The following SERPINB3 variants were observed in gnomAD, a reference collection of about 807,000 sequenced individuals.
SERPINB3 encodes serpin family B member 3.
A neutral mutation model predicts 33.0 loss-of-function variants in SERPINB3; 33 were observed. That is an observed-to-expected ratio of 1.00 (90% CI 0.76 to 1.34). SERPINB3 has a LOEUF of 1.34. Ranked by LOEUF, SERPINB3 falls within the 40% of genes most tolerant of loss-of-function variation. The pLI is 0.00. For synonymous variants in SERPINB3, 200 were observed against 170.9 expected (o/e 1.17, Z -1.33); for missense variants, 518 against 461.5 (o/e 1.12, Z -1.12).
intron 3 of SERPINB3, among the ~76,000 whole-genome samples, chr18:63,660,257 G>A (rs1913606636): frequency 6.6e-6 from 1 of 152,024 alleles, no homozygotes; most frequent in Admixed American, 6.6e-5. Context: ...ATATTCCATA[G>A]CAATCATTTT....
rs1913634642 is a variant in SERPINB3 at position 63,661,147 on chromosome 18, CTT to C, written c.68_69del (p.Lys23ArgfsTer31). On this transcript the variant is annotated frameshift_variant, in exon 2 of 8. Coordinates refer to ENST00000283752, the MANE Select transcript of SERPINB3 (RefSeq NM_006919.3). LOFTEE classifies it high-confidence loss of function. Reference sequence around the variant, plus strand: ...ATAGGGGAATAGAAGATGTTGTTCTCTTTTGATTTTCTGAACTGTTGGAACAG... The same window carrying C: ...ATAGGGGAATAGAAGATGTTGTTCTCTTGATTTTCTGAACTGTTGGAACAG... ...FDLFQQFRKS[K>X]ENNIFYSPIS... The C allele has an allele frequency of 2.5e-6, 4 of 1,613,484 alleles. No homozygotes were observed. Among genetic ancestry groups the C allele is most frequent in the Non-Finnish European group, 3.4e-6 (4 of 1,179,660 alleles).
chr18:63,657,211 A>C (rs1177718366), intron 6 of SERPINB3, 59 bp downstream of exon 6: 1 of 1,000,890 alleles, frequency 1.0e-6, no homozygotes, highest in African/African-American at 1.6e-5. Context: ...GGTACATTCC[A>C]TCAGAAATGT....
chr18:63,661,392 T>A, intron 1 of SERPINB3, 150 bp from the exon 2 acceptor site: 2 of 849,862 alleles, frequency 2.4e-6, no homozygotes, highest in Non-Finnish European at 3.6e-6. Context: ...TCAATCTTTC[T>A]ACAATGTGCA....
chr18:63,660,742 G>A lies in SERPINB3; in HGVS notation c.222+58C>T, dbSNP rs371221073. On this transcript the variant is annotated intron_variant, in intron 3 of 7. Coordinates refer to ENST00000283752, the MANE Select transcript of SERPINB3 (RefSeq NM_006919.3). ...TTTCTTAGTTTCTGTGAAGTTCCAGGTTCAAACTATGACCTGTTCGGGGAT... is the reference window on the plus strand; with the variant it reads ...TTTCTTAGTTTCTGTGAAGTTCCAGATTCAAACTATGACCTGTTCGGGGAT... 8.7e-5 allele frequency: 140 copies of A among 1,609,368 alleles called. No homozygotes were observed. The African/African-American group carries it at 1.6e-3, about 19-fold the overall frequency.
At chr18:63,661,003 G>A (rs779504509) in intron 2 of SERPINB3, 49 bp downstream of exon 2, 12 of 1,611,570 alleles carry the variant, frequency 7.4e-6, no homozygotes, top group Non-Finnish European at 1.0e-5. Context: ...CTAGCCGACG[G>A]AACCAGAGAA....
chr18:63,660,869 T>G lies in SERPINB3; in HGVS notation c.166-13A>C, dbSNP rs374337948. 5.6e-6 allele frequency: 9 copies of G among 1,613,174 alleles called. No homozygotes were observed. In the African/African-American group the frequency reaches 6.7e-5, roughly 12 times the overall value. ...CAAAGTGAAGAACCTGGAAGAGACA[T>G]GAAGCGGGACAAGAAAACTTTACTC... On this transcript the variant is annotated splice_polypyrimidine_tract_variant and intron_variant, in intron 2 of 7. Coordinates refer to ENST00000283752, the MANE Select transcript of SERPINB3 (RefSeq NM_006919.3).
chr18:63,658,757 C>T lies in SERPINB3; in HGVS notation c.352-127G>A, dbSNP rs1913564210. ...CTGAATAGATGCAGTATCTCCTGTC[C>T]ATGCATATTTTTATACTGGTGCCAT... On this transcript the variant is annotated intron_variant, in intron 4 of 7. Transcript: ENST00000283752. The T allele has an allele frequency of 3.1e-5, 22 of 720,494 alleles. No individual in the cohort carries two copies. The South Asian group carries it at 4.0e-4, about 13-fold the overall frequency. The allele number at this position is 720,494 out of a possible 1,614,324, so 44.6% of individuals were successfully genotyped here.
intron 7 of SERPINB3, among the ~76,000 whole-genome samples, chr18:63,656,596 A>T (rs1035579070): frequency 6.6e-6 from 1 of 152,224 alleles, no homozygotes; most frequent in African/African-American, 2.4e-5. Flanking sequence ...TAATAATATC[A>T]TTAAATTGAT....
rs780976447 is a variant in SERPINB3, at chr18:63,655,916, A to G, written c.914T>C (p.Val305Ala). ...GTCTGCATCCCCATTGAAGATATCC[A>G]CCATTCCCATGGTTCTCAACGTGTC... ...LKDTLRTMGM[V>A]DIFNGDADLS... The change falls in exon 8 of 8, where the codon GTG becomes GCG. Residue 305 changes from valine to alanine, a missense_variant. By Grantham distance (64) the Val-to-Ala change is moderately conservative (BLOSUM62 0). Coordinates refer to ENST00000283752, the MANE Select transcript of SERPINB3 (RefSeq NM_006919.3). The G allele has an allele frequency of 1.8e-4, 289 of 1,613,802 alleles. No individual in the cohort carries two copies. The highest frequency in any genetic ancestry group is 2.3e-4 in the Non-Finnish European group (276 of 1,179,946).
intron 4 of SERPINB3, among the ~76,000 whole-genome samples, chr18:63,658,992 A>G (rs1913570883): frequency 6.6e-6 from 1 of 152,134 alleles, no homozygotes; most frequent in Non-Finnish European, 1.5e-5. Flanking sequence ...CATCCTGTGC[A>G]TTCAGTATTT....
chr18:63,657,236 A>G lies in SERPINB3; in HGVS notation c.612+34T>C, dbSNP rs375330109. The G allele has an allele frequency of 7.7e-5, 89 of 1,153,802 alleles. No homozygotes were observed. In the African/African-American group the frequency reaches 1.2e-3, roughly 16 times the overall value. The allele number at this position is 1,153,802 out of a possible 1,614,324, so 71.5% of individuals were successfully genotyped here. A position where few individuals can be genotyped will look rare whatever the true frequency, so the allele number is the denominator to read the frequency against. ...ATCAGAAATGTTTAAATTTATTAAC[A>G]TATTACATTATATAAATAAAATATA... is the stretch of plus-strand genomic sequence containing the variant. On this transcript the variant is annotated intron_variant, in intron 6 of 7. Coordinates refer to ENST00000283752, the MANE Select transcript of SERPINB3 (RefSeq NM_006919.3).
chr18:63,655,904 T>C lies in SERPINB3; in HGVS notation c.926A>G (p.Asn309Ser), dbSNP rs372901274. 6 of 1,613,846 alleles carry C rather than the reference T, an allele frequency of 3.7e-6. No individual in the cohort carries two copies. The highest frequency in any genetic ancestry group is 1.1e-5 in the South Asian group (1 of 91,070). Residue 309 changes from asparagine (N) to serine (S), a missense_variant, in exon 8 of 8, where the codon AAT becomes AGT. Physicochemically the swap from Asn to Ser is conservative, Grantham distance 46 (BLOSUM62 1). Transcript: ENST00000283752. Reference sequence around the variant, plus strand: ...CATGCCTGAGAGGTCTGCATCCCCATTGAAGATATCCACCATTCCCATGGT... The same window carrying C: ...CATGCCTGAGAGGTCTGCATCCCCACTGAAGATATCCACCATTCCCATGGT... ...LRTMGMVDIF[N>S]GDADLSGMTG...
rs1205411740 is a variant in SERPINB3 at position 63,661,056 on chromosome 18, T to C, written c.161A>G (p.Lys54Arg). 1.4e-5 allele frequency: 22 copies of C among 1,613,452 alleles called. No individual in the cohort carries two copies. In the Admixed American group the frequency reaches 1.8e-4, roughly 13 times the overall value. ...CATAATGATGCTGATAGCTACCTTC[T>C]TAATCTGTTGTGCAGTGTTGTCTTT... ...GAKDNTAQQI[K>R]KVLHFDQVTE... The change falls in exon 2 of 8, where the codon AAG becomes AGG. Residue 54 changes from lysine to arginine, a missense_variant. Transcript: ENST00000283752.
chr18:63,658,030 G>A (rs1423447900), intron 5 of SERPINB3, among the ~76,000 whole-genome samples: 1 of 152,094 alleles, frequency 6.6e-6, no homozygotes, highest in African/African-American at 2.4e-5. Flanking sequence ...GAAGAGAGCT[G>A]TGATAATCCC....
intron 2 of SERPINB3, 36 bp from the exon 3 acceptor site, chr18:63,660,892 C>T: frequency 2.5e-6 from 4 of 1,612,888 alleles, no homozygotes; most frequent in Non-Finnish European, 3.4e-6. Context: ...GAAAACTTTA[C>T]TCAAAAGATC....
At chr18:63,658,293 C>T (rs1030373426) in intron 5 of SERPINB3, among the ~76,000 whole-genome samples, 12 of 152,174 alleles carry the variant, frequency 7.9e-5, no homozygotes, top group East Asian at 1.9e-4. Context: ...AAGAATCCTC[C>T]GGCTATGTTT....
rs141517348 is a variant in SERPINB3, at chr18:63,660,998, C to T, written c.165+54G>A. 378 of 1,610,578 alleles carry T rather than the reference C, an allele frequency of 2.3e-4. 1 individual carries two copies. In the African/African-American group the frequency reaches 3.8e-3, roughly 16 times the overall value. ...CATCTATTACCATCTGCGTGCTAGC[C>T]GACGGAACCAGAGAAAAACTGCAAC... On this transcript the variant is annotated intron_variant, in intron 2 of 7. Coordinates refer to ENST00000283752, the MANE Select transcript of SERPINB3 (RefSeq NM_006919.3).
chr18:63,657,507 T>C, intron 5 of SERPINB3, 95 bp from the exon 6 acceptor site: 4 of 1,080,302 alleles, frequency 3.7e-6, no homozygotes, highest in Non-Finnish European at 3.9e-6. Flanking sequence ...CGTTAATTAT[T>C]GACCCAAATC....
At chr18:63,658,446 G>T in intron 5 of SERPINB3, 67 bp downstream of exon 5, 3 of 1,364,628 alleles carry the variant, frequency 2.2e-6, no homozygotes, top group Non-Finnish European at 3.1e-6. Context: ...CCCCCATGCA[G>T]TTTCAGGCAT....
Sources: gnomAD v4.1 joint callset for allele counts (sites outside exome capture counted in the v4.1 genomes callset) on GRCh38, gnomAD v4.1.1 for gene constraint, MANE v1.5 for transcripts, NCBI Gene and HGNC (gene_info 2026-07-23, HGNC 2026-07-21) for gene names.